GPX6: variants seen among roughly 807,000 people sequenced by gnomAD.
GPX6 encodes glutathione peroxidase 6.
Under a neutral mutation model 20.0 loss-of-function variants are expected in GPX6, and 21 were observed. The ratio of observed to expected loss-of-function variants is 1.05; its 90% CI spans 0.74 to 1.51. The LOEUF is 1.51. GPX6 is among the 40% of genes most tolerant of loss of function. GPX6 has a pLI of 0.00. For missense variants in GPX6, 233 were observed against 254.7 expected (o/e 0.91, Z 0.58); for synonymous variants, 75 against 98.0 (o/e 0.77, Z 1.38).
At chr6:28,511,227 T>C (rs1007046626) in intron 1 of GPX6, among the ~76,000 whole-genome samples, 10 of 152,248 alleles carry the variant, frequency 6.6e-5, no homozygotes, top group African/African-American at 2.4e-4. Context: ...GTTCAAGTCA[T>C]GCCGTCCTCT....
intron 1 of GPX6, 95 bp downstream of exon 1, chr6:28,515,562 T>C (rs1763010296): frequency 1.2e-6 from 1 of 868,426 alleles, no homozygotes; most frequent in Non-Finnish European, 1.9e-6. Context: ...GATCTTGTCC[T>C]TCGAAAGGGG....
In GPX6 at chr6:28,506,402, T is replaced by C. The variant is rs780234654; in HGVS notation, c.269A>G (p.Lys90Arg). Residue 90 changes from lysine to arginine, a missense_variant, in exon 3 of 5, where the codon AAG becomes AGG. Transcript: ENST00000361902. The stretch of plus-strand genomic sequence containing the variant: ...GGCCAACACAATGACACCAAAATTC[T>C]TCAGCTCCTCCTGTAGTGCATTCAG... The part of the protein sequence containing the change: ...PELNALQEEL[K>R]NFGVIVLAFP... 1.1e-5 allele frequency: 18 copies of C among 1,613,396 alleles called. No homozygotes were observed. The highest frequency in any genetic ancestry group is 1.4e-5 in the Non-Finnish European group (17 of 1,179,336).
intron 1 of GPX6, among the ~76,000 whole-genome samples, chr6:28,515,140 T>C (rs13191038): frequency 0.049 from 7,505 of 152,228 alleles, 315 homozygotes; most frequent in Non-Finnish European, 0.088. Context: ...TCTAGGGGTG[T>C]GGTGGTGGGG....
At chr6:28,514,086 G>T (rs1247707867) in intron 1 of GPX6, among the ~76,000 whole-genome samples, 1 of 152,158 alleles carries the variant, frequency 6.6e-6, no homozygotes, top group Non-Finnish European at 1.5e-5. Flanking sequence ...GACACCTTAC[G>T]TCTGAGCTAA....
chr6:28,504,656 G>A (rs1007574433), intron 4 of GPX6, among the ~76,000 whole-genome samples, 158 bp from the exon 5 acceptor site: 1 of 152,056 alleles, frequency 6.6e-6, no homozygotes, highest in African/African-American at 2.4e-5. Flanking sequence ...CACAGACACT[G>A]CAATGTATCA....
intron 1 of GPX6, among the ~76,000 whole-genome samples, chr6:28,512,988 A>C (rs1191663738): frequency 6.6e-6 from 1 of 152,130 alleles, no homozygotes; most frequent in Non-Finnish European, 1.5e-5. Flanking sequence ...TGCCTTAAAG[A>C]ACTGGGTTTC....
At chr6:28,509,566 A>T (rs576736142) in intron 2 of GPX6, among the ~76,000 whole-genome samples, 2 of 152,214 alleles carry the variant, frequency 1.3e-5, no homozygotes, top group East Asian at 3.9e-4. Flanking sequence ...TATTATTTTG[A>T]TCCACTTCTC....
At chr6:28,512,693 TTGC>T (rs1250610368) in intron 1 of GPX6, among the ~76,000 whole-genome samples, 1 of 152,198 alleles carries the variant, frequency 6.6e-6, no homozygotes, top group Admixed American at 6.5e-5. Context: ...GCAATAAGTC[TTGC>T]TGCTGCTCAT....
chr6:28,510,110 A>G (rs1475600446), intron 2 of GPX6, among the ~76,000 whole-genome samples: 2 of 152,236 alleles, frequency 1.3e-5, no homozygotes, highest in Admixed American at 6.5e-5. Context: ...ATATCACATA[A>G]CATGTGATCA....
intron 1 of GPX6, among the ~76,000 whole-genome samples, chr6:28,512,170 C>T (rs571449749): frequency 2.6e-5 from 4 of 152,358 alleles, no homozygotes; most frequent in African/African-American, 4.8e-5. Flanking sequence ...CTGAGGAGTG[C>T]GGGCGCAGGG....
rs1376589676 is a variant in GPX6, at chr6:28,503,742, G to A, written c.*550C>T. ...AGGTCCTACATGAGAACTACTGGGTGGCAGGGGAATAAAGGAGAATTAAGG... is the reference window on the plus strand; with the variant it reads ...AGGTCCTACATGAGAACTACTGGGTAGCAGGGGAATAAAGGAGAATTAAGG... On this transcript the variant is annotated 3_prime_UTR_variant, in exon 5 of 5. Coordinates refer to ENST00000361902, the MANE Select transcript of GPX6 (RefSeq NM_182701.1). 6.5e-6 allele frequency: 1 copy of A among 153,150 alleles called. No homozygotes were observed. Among genetic ancestry groups the A allele is most frequent in the Non-Finnish European group, 1.5e-5 (1 of 68,864 alleles). The allele number at this position is 153,150 out of a possible 1,614,324, so 9.5% of individuals were successfully genotyped here.
At chr6:28,514,688 T>G (rs1187690333) in intron 1 of GPX6, among the ~76,000 whole-genome samples, 1 of 152,226 alleles carries the variant, frequency 6.6e-6, no homozygotes, top group South Asian at 2.1e-4. Flanking sequence ...TCAGAAAGTC[T>G]TGGGTGGGGC....
intron 4 of GPX6, 95 bp from the exon 5 acceptor site, chr6:28,504,593 A>G: frequency 9.5e-7 from 1 of 1,057,460 alleles, no homozygotes; most frequent in Non-Finnish European, 1.4e-6. Flanking sequence ...TAGAGAGTCT[A>G]CTCACCATTA....
rs769791823 is a variant in GPX6 at position 28,504,341 on chromosome 6, G to A, written c.617C>T (p.Thr206Ile). The A allele has an allele frequency of 9.9e-6, 16 of 1,614,170 alleles. No individual in the cohort carries two copies. Among genetic ancestry groups the A allele is most frequent in the Non-Finnish European group, 1.3e-5 (15 of 1,180,036 alleles). Residue 206 changes from threonine (T) to isoleucine (I), a missense_variant, in exon 5 of 5, where the codon ACA becomes ATA. Physicochemically the swap from Thr to Ile is moderately conservative, Grantham distance 89. Transcript: ENST00000361902. The part of the protein sequence containing the change: ...MHWFHQAPVS[T>I]VKSDILEYLK... ...GTACTCCAGGATGTCTGACTTGACT[G>A]TGCTGACTGGAGCCTGGTGGAACCA...
At chr6:28,512,993 G>A (rs1449942549) in intron 1 of GPX6, among the ~76,000 whole-genome samples, 2 of 152,080 alleles carry the variant, frequency 1.3e-5, no homozygotes, top group African/African-American at 2.4e-5. Context: ...TAAAGAACTG[G>A]GTTTCATTCT....
intron 2 of GPX6, among the ~76,000 whole-genome samples, chr6:28,507,715 C>T (rs1306757684): frequency 6.6e-6 from 1 of 152,174 alleles, no homozygotes; most frequent in Non-Finnish European, 1.5e-5. Flanking sequence ...CAGGCATGTG[C>T]CACCATGCCC....
chr6:28,510,953 C>A, intron 1 of GPX6, 49 bp from the exon 2 acceptor site: 1 of 1,515,788 alleles, frequency 6.6e-7, no homozygotes, highest in Non-Finnish European at 9.0e-7. Flanking sequence ...AAAAATAATT[C>A]CCAACATTTG....
At chr6:28,506,693 A>ATT (rs11392458) in intron 2 of GPX6, among the ~76,000 whole-genome samples, 86 of 140,174 alleles carry the variant, frequency 6.1e-4, no homozygotes, top group African/African-American at 2.1e-3. Context: ...GAGAACTCTT[A>ATT]TTTTTTTTTT....
chr6:28,506,288 G>A, intron 3 of GPX6, 24 bp downstream of exon 3: 1 of 1,376,798 alleles, frequency 7.3e-7, no homozygotes, highest in African/African-American at 1.4e-5. Context: ...CAGGGCATCT[G>A]CAGGGTCCCA....
Sources: allele counts gnomAD v4.1 joint callset (sites outside exome capture counted in the v4.1 genomes callset), GRCh38; gene constraint gnomAD v4.1.1; transcripts MANE v1.5; gene names NCBI Gene and HGNC (gene_info 2026-07-23, HGNC 2026-07-21).